The following OPHN1 variants were observed in gnomAD, a reference collection of about 807,000 sequenced individuals.
OPHN1 encodes the protein oligophrenin 1.
A neutral mutation model predicts 60.7 loss-of-function variants in OPHN1; 11 were observed. The observed-to-expected ratio is 0.18, with a 90% CI of 0.11 to 0.30. The LOEUF (loss-of-function observed/expected upper bound fraction) is 0.30. Ranked by LOEUF, OPHN1 falls within the 10% of genes least tolerant of loss-of-function variation. The probability of loss-of-function intolerance (pLI) is 1.00; values close to 1 mark genes in which losing one functional copy is unlikely to be tolerated. For synonymous variants in OPHN1, 226 were observed against 222.6 expected (o/e 1.02, Z -0.14); for missense variants, 449 against 611.0 (o/e 0.73, Z 2.80).
At chrX:68,192,723 G>T (rs1355873724) in intron 15 of OPHN1, 196 bp downstream of exon 15, 6 of 430,358 alleles carry the variant, frequency 1.4e-5, no homozygotes, top group Non-Finnish European at 2.5e-5. Flanking sequence ...GGGATACGAG[G>T]AAGGAGAGAT....
chrX:68,425,812 CTTTTTTT>C (rs1188011531), intron 2 of OPHN1, among the ~76,000 whole-genome samples: 3 of 38,647 alleles, frequency 7.8e-5, no homozygotes, highest in African/African-American at 3.9e-4. Flanking sequence ...GGACTGGATT[CTTTTTTT>C]TTTTTTTTTT....
chrX:68,069,796 G>C (rs2076926341), intron 20 of OPHN1, among the ~76,000 whole-genome samples: 1 of 111,076 alleles, frequency 9.0e-6, no homozygotes, highest in Admixed American at 9.6e-5. Flanking sequence ...GAATGAAAGA[G>C]TGAGCCTTGT....
chrX:68,316,992 G>A (rs1233830975), intron 2 of OPHN1, among the ~76,000 whole-genome samples: 2 of 110,812 alleles, frequency 1.8e-5, no homozygotes, highest in Non-Finnish European at 3.8e-5. Flanking sequence ...TGGTCAGAAT[G>A]AAATCAAACT....
chrX:68,181,385 T>C (rs1351285810), intron 15 of OPHN1, among the ~76,000 whole-genome samples: 1 of 112,077 alleles, frequency 8.9e-6, no homozygotes, highest in Admixed American at 9.5e-5. Flanking sequence ...CAGTTAAATA[T>C]GAATTGCTTA....
At chrX:68,379,477 G>A (rs1442776875) in intron 2 of OPHN1, among the ~76,000 whole-genome samples, 1 of 104,821 alleles carries the variant, frequency 9.5e-6, no homozygotes, top group African/African-American at 3.5e-5. Context: ...TTGAATAGGA[G>A]TGGTGAGAGA....
chrX:68,214,035 A>C, intron 6 of OPHN1, 63 bp from the exon 7 acceptor site: 1 of 654,050 alleles, frequency 1.5e-6, no homozygotes. Context: ...TCAGTACTTA[A>C]GGATTGAACA....
At chrX:68,213,310 G>T (rs969666616) in intron 7 of OPHN1, among the ~76,000 whole-genome samples, 5 of 111,777 alleles carry the variant, frequency 4.5e-5, no homozygotes, top group African/African-American at 1.6e-4. Context: ...GACAGAGGTT[G>T]TAGATAGCAC....
intron 2 of OPHN1, among the ~76,000 whole-genome samples, chrX:68,426,804 G>A (rs1363245307): frequency 7.2e-5 from 7 of 97,211 alleles, no homozygotes; most frequent in South Asian, 5.5e-4. Context: ...CCAGGAGTTC[G>A]AAGTTGCAGT....
At chrX:68,153,294 C>T (rs925761020) in intron 15 of OPHN1, among the ~76,000 whole-genome samples, 6 of 109,770 alleles carry the variant, frequency 5.5e-5, no homozygotes, top group Non-Finnish European at 9.5e-5. Context: ...AAATCTCAAA[C>T]CAACTTAAAT....
chrX:68,077,182 C>T (rs1163381442), intron 19 of OPHN1, among the ~76,000 whole-genome samples: 2 of 111,507 alleles, frequency 1.8e-5, no homozygotes, highest in East Asian at 2.8e-4. Context: ...TAAGAAAAAT[C>T]GATATTGTCC....
rs144021823 is a variant in OPHN1 at position 68,238,264 on chromosome X, T to C, written c.385-3676A>G. 6.0e-3 allele frequency among the ~76,000 whole-genome samples: 674 copies of C among 111,552 alleles called. 7 individuals carry two copies. The highest frequency in any genetic ancestry group is 0.021 in the African/African-American group (643 of 30,746). On this transcript the variant is annotated intron_variant, in intron 5 of 24. Transcript: ENST00000355520. Reference sequence around the variant, plus strand: ...AATTTGGAGTGCGATTTTTATTTTATATTAAATTAATATGTGAGTTTGAAC... The same window carrying C: ...AATTTGGAGTGCGATTTTTATTTTACATTAAATTAATATGTGAGTTTGAAC...
At chrX:68,410,947 G>A (rs1248823202) in intron 2 of OPHN1, among the ~76,000 whole-genome samples, 1 of 111,852 alleles carries the variant, frequency 8.9e-6, no homozygotes, top group Non-Finnish European at 1.9e-5. Context: ...GCCGTAAAAA[G>A]AAATGAAATT....
intron 2 of OPHN1, among the ~76,000 whole-genome samples, chrX:68,352,073 G>T (rs1458327823): frequency 1.9e-5 from 2 of 107,988 alleles, no homozygotes; most frequent in Non-Finnish European, 3.8e-5. Flanking sequence ...TACAGACGGG[G>T]TTTCACCGTG....
At chrX:68,197,807 A>C (rs2077519051) in intron 11 of OPHN1, among the ~76,000 whole-genome samples, 1 of 111,909 alleles carries the variant, frequency 8.9e-6, no homozygotes, top group African/African-American at 3.2e-5. Context: ...GACTAATAAA[A>C]ACAACTAATA....
intron 2 of OPHN1, among the ~76,000 whole-genome samples, chrX:68,333,674 CACACACACACACAG>C (rs964267886): frequency 1.9e-5 from 2 of 104,148 alleles, no homozygotes; most frequent in Non-Finnish European, 3.8e-5. Context: ...CGTGCGTGCA[CACACACACACACAG>C]ACACACACAC....
At chrX:68,198,369 G>A (rs1399697578) in intron 11 of OPHN1, among the ~76,000 whole-genome samples, 1 of 111,599 alleles carries the variant, frequency 9.0e-6, no homozygotes, top group African/African-American at 3.3e-5. Flanking sequence ...GCCCTCACCA[G>A]ACACTGAAAC....
rs1431623163 is a variant in OPHN1, at chrX:68,206,682, A to C, written c.833-9T>G. The C allele has an allele frequency of 8.7e-7, 1 of 1,150,796 alleles. No homozygotes were observed. The highest frequency in any genetic ancestry group is 2.2e-5 in the Admixed American group (1 of 45,975). 94.8% of individuals were successfully genotyped at this position (1,150,796 alleles called of 1,213,427 possible). ...GGATATTCCTAAAGCCCCTACAAGG[A>C]CAAGTAAAAGTGAGCAGACAGAATA... On this transcript the variant is annotated splice_polypyrimidine_tract_variant and intron_variant, in intron 9 of 24. Transcript: ENST00000355520.
intron 8 of OPHN1, among the ~76,000 whole-genome samples, chrX:68,211,676 A>C (rs893957764): frequency 4.4e-5 from 5 of 112,454 alleles, no homozygotes; most frequent in Non-Finnish European, 9.4e-5. Flanking sequence ...AAAGTAATTT[A>C]TGTGACTCTA....
intron 5 of OPHN1, among the ~76,000 whole-genome samples, chrX:68,248,300 C>CA (rs759781324): frequency 0.25 from 24,494 of 99,134 alleles, 3,142 homozygotes; most frequent in African/African-American, 0.48. Context: ...AGACATTTCT[C>CA]AAAAAAAAAA....
Sources: allele counts gnomAD v4.1 joint callset (sites outside exome capture counted in the v4.1 genomes callset), GRCh38; gene constraint gnomAD v4.1.1; transcripts MANE v1.5; gene names NCBI Gene and HGNC (gene_info 2026-07-23, HGNC 2026-07-21).